DENND6A: variants seen among roughly 807,000 people sequenced by gnomAD.
The protein encoded by DENND6A is protein DENND6A.
A neutral mutation model predicts 95.5 loss-of-function variants in DENND6A; 43 were observed. That is an observed-to-expected ratio of 0.45 (90% CI 0.35 to 0.58). The LOEUF (loss-of-function observed/expected upper bound fraction) is 0.58, where lower values mean the gene tolerates loss of function less well. Ranked by LOEUF, DENND6A falls within the 20% of genes least tolerant of loss-of-function variation. DENND6A has a pLI of 0.00. For synonymous variants in DENND6A, 257 were observed against 260.4 expected (o/e 0.99, Z 0.13); for missense variants, 574 against 736.0 (o/e 0.78, Z 2.55).
In DENND6A at chr3:57,627,193, G is replaced by A. The variant is rs539951566; in HGVS notation, c.*1021C>T. On this transcript the variant is annotated 3_prime_UTR_variant, in exon 20 of 20. Transcript: ENST00000311128. The stretch of plus-strand genomic sequence containing the variant: ...CAGTCTCACTGTGTCACCCAAGCTG[G>A]AGTCCAGGGGTGTAATCTCAGCTCA... 6.6e-6 allele frequency: 1 copy of A among 152,024 alleles called. No individual in the cohort carries two copies. Among genetic ancestry groups the A allele is most frequent in the Non-Finnish European group, 1.5e-5 (1 of 68,014 alleles). The allele number at this position is 152,024 out of a possible 1,614,324, so 9.4% of individuals were successfully genotyped here.
intron 8 of DENND6A, 130 bp from the exon 9 acceptor site, chr3:57,657,865 C>T: frequency 1.8e-6 from 1 of 570,506 alleles, no homozygotes; most frequent in South Asian, 2.4e-5. Context: ...CCTTTAGGAA[C>T]AGCCAGAGAG....
intron 9 of DENND6A, among the ~76,000 whole-genome samples, chr3:57,649,826 CCCT>C (rs2071163930): frequency 7.1e-6 from 1 of 140,696 alleles, no homozygotes; most frequent in Non-Finnish European, 1.5e-5. Flanking sequence ...CCCATGGATA[CCCT>C]CCTGTCTCAT....
At chr3:57,649,004 A>C (rs1291863393) in intron 9 of DENND6A, among the ~76,000 whole-genome samples, 2 of 152,196 alleles carry the variant, frequency 1.3e-5, no homozygotes, top group Non-Finnish European at 2.9e-5. Context: ...CAACAAAACA[A>C]AGATAAATAG....
At chr3:57,690,763 A>C (rs941268019) in intron 1 of DENND6A, among the ~76,000 whole-genome samples, 1 of 152,158 alleles carries the variant, frequency 6.6e-6, no homozygotes, top group Non-Finnish European at 1.5e-5. Context: ...TCTGCACACA[A>C]AAAAAGAGCA....
At chr3:57,666,355 G>A in intron 3 of DENND6A, 120 bp from the exon 4 acceptor site, 1 of 826,542 alleles carries the variant, frequency 1.2e-6, no homozygotes, top group Non-Finnish European at 1.8e-6. Flanking sequence ...GTCATGTTTT[G>A]GAGGAAAAAA....
At chr3:57,683,202 T>C (rs932238251) in intron 1 of DENND6A, among the ~76,000 whole-genome samples, 1 of 152,140 alleles carries the variant, frequency 6.6e-6, no homozygotes, top group Non-Finnish European at 1.5e-5. Context: ...TAAGGTTAGG[T>C]AGGAATTCAC....
intron 1 of DENND6A, among the ~76,000 whole-genome samples, chr3:57,690,626 G>C (rs1487282709): frequency 6.6e-6 from 1 of 151,570 alleles, no homozygotes. Context: ...GGAGGTTGCA[G>C]TGAGCCGAAA....
chr3:57,647,825 C>A (rs2071111042), intron 9 of DENND6A, among the ~76,000 whole-genome samples: 1 of 145,138 alleles, frequency 6.9e-6, no homozygotes, highest in Admixed American at 7.1e-5. Context: ...GACAGAGTAA[C>A]CTGAATGAGA....
At chr3:57,654,104 C>T (rs370065290) in intron 9 of DENND6A, among the ~76,000 whole-genome samples, 13 of 150,562 alleles carry the variant, frequency 8.6e-5, no homozygotes, top group South Asian at 4.2e-4. Flanking sequence ...CCCGCCACCA[C>T]GCCCGGCTAA....
chr3:57,648,493 C>A (rs1410466665), intron 9 of DENND6A, among the ~76,000 whole-genome samples: 1 of 152,074 alleles, frequency 6.6e-6, no homozygotes, highest in Admixed American at 6.6e-5. Flanking sequence ...TCCCATCATT[C>A]GTCACAGAAC....
chr3:57,633,822 T>G (rs1268861742), intron 14 of DENND6A, among the ~76,000 whole-genome samples: 2 of 151,088 alleles, frequency 1.3e-5, no homozygotes, highest in Admixed American at 1.3e-4. Context: ...CCTGGGGAGG[T>G]GGAGGCTGCA....
intron 12 of DENND6A, among the ~76,000 whole-genome samples, chr3:57,637,919 A>G (rs2070834548): frequency 6.6e-6 from 1 of 151,990 alleles, no homozygotes; most frequent in Non-Finnish European, 1.5e-5. Context: ...GTGGATCACG[A>G]GGTCAGGAAT....
chr3:57,659,274 C>CA, intron 7 of DENND6A, 94 bp from the exon 8 acceptor site: 2 of 1,338,678 alleles, frequency 1.5e-6, no homozygotes, highest in African/African-American at 1.5e-5. Context: ...TCAGTAATGC[C>CA]AAAAAAGCTA....
chr3:57,666,970 G>T (rs1200277841), intron 3 of DENND6A, among the ~76,000 whole-genome samples: 2 of 152,200 alleles, frequency 1.3e-5, no homozygotes, highest in Admixed American at 6.5e-5. Flanking sequence ...CTGAAAAATA[G>T]AAAAATTTTA....
intron 1 of DENND6A, among the ~76,000 whole-genome samples, chr3:57,678,490 G>A (rs2153416949): frequency 6.6e-6 from 1 of 152,302 alleles, no homozygotes; most frequent in South Asian, 2.1e-4. Flanking sequence ...CTCAAATCCA[G>A]AGATATCTAG....
chr3:57,651,725 C>G (rs1245870462), intron 9 of DENND6A, among the ~76,000 whole-genome samples: 1 of 151,370 alleles, frequency 6.6e-6, no homozygotes, highest in African/African-American at 2.4e-5. Flanking sequence ...TATCTCACAC[C>G]AGAAAGCAAG....
chr3:57,679,518 C>T (rs1472963253), intron 1 of DENND6A: 1 of 985,326 alleles, frequency 1.0e-6, no homozygotes, highest in East Asian at 1.1e-4. Flanking sequence ...ATGAATACAG[C>T]TCTGCATCTT....
chr3:57,679,710 G>T, intron 1 of DENND6A: 1 of 265,362 alleles, frequency 3.8e-6, no homozygotes, highest in Non-Finnish European at 5.8e-6. Context: ...CACTGATGAA[G>T]TGGGGCAAGG....
At chr3:57,679,892 TAAC>T (rs1331898864) in intron 1 of DENND6A, among the ~76,000 whole-genome samples, 3 of 152,112 alleles carry the variant, frequency 2.0e-5, no homozygotes, top group African/African-American at 7.2e-5. Flanking sequence ...ACAGACAGCC[TAAC>T]AGCAGCTCGG....
Sources: allele counts gnomAD v4.1 joint callset (sites outside exome capture counted in the v4.1 genomes callset), GRCh38; gene constraint gnomAD v4.1.1; transcripts MANE v1.5; gene names NCBI Gene and HGNC (gene_info 2026-07-23, HGNC 2026-07-21).